The following PPHLN1 variants were observed in gnomAD, a reference collection of about 807,000 sequenced individuals.
PPHLN1 encodes periphilin-1.
PPHLN1 carries 29 observed loss-of-function variants against 51.3 expected under a neutral mutation model. That is an observed-to-expected ratio of 0.57 (90% confidence interval 0.42 to 0.77). The LOEUF (loss-of-function observed/expected upper bound fraction) is 0.77, where lower values mean the gene tolerates loss of function less well. PPHLN1 is among the 30% of genes least tolerant of loss of function. PPHLN1 has a pLI of 0.00. For synonymous variants in PPHLN1, 147 were observed against 147.8 expected, an observed-to-expected ratio of 0.99 and a Z score of 0.04; for missense variants, 436 against 438.4, an observed-to-expected ratio of 0.99 and a Z score of 0.05.
intron 2 of PPHLN1, among the ~76,000 whole-genome samples, chr12:42,337,367 A>C (rs574652906): frequency 1.3e-5 from 2 of 150,764 alleles, no homozygotes; most frequent in South Asian, 2.1e-4. Flanking sequence ...GCTGGAGTGC[A>C]GTGGTGCAGT....
chr12:42,389,204 C>G (rs1039392186), intron 7 of PPHLN1, among the ~76,000 whole-genome samples: 4 of 151,998 alleles, frequency 2.6e-5, no homozygotes, highest in African/African-American at 9.7e-5. Context: ...AACCCCGTCT[C>G]TACTAAAAAT....
rs144485658 is a variant in PPHLN1 at position 42,384,948 on chromosome 12, C to T, written c.520C>T (p.Arg174Cys). The T allele has an allele frequency of 2.6e-5, 42 of 1,609,990 alleles. No homozygotes were observed. Among genetic ancestry groups the T allele is most frequent in the African/African-American group, 6.7e-5 (5 of 74,938 alleles). ...TGCCCACCTTTCCATAGAGTCCGTG[C>T]GTCCTGGTGCCTCCTACAAACGGCA... The part of the protein sequence containing the change: ...FHQSQHRKSV[R>C]PGASYKRQNE... The change falls in exon 6 of 10, where the codon CGT (arginine) becomes TGT (cysteine). Residue 174 changes from arginine to cysteine, a missense_variant. Coordinates refer to ENST00000358314, the MANE Select transcript of PPHLN1 (RefSeq NM_201439.2).
chr12:42,329,007 C>A (rs915535939), intron 1 of PPHLN1, among the ~76,000 whole-genome samples: 1 of 152,106 alleles, frequency 6.6e-6, no homozygotes, highest in Non-Finnish European at 1.5e-5. Flanking sequence ...AGCCACCGCA[C>A]CCAGCCCCAG....
At chr12:42,431,951 G>A in intron 9 of PPHLN1, 2 of 1,493,440 alleles carry the variant, frequency 1.3e-6, no homozygotes, top group Non-Finnish European at 1.9e-6. Flanking sequence ...GTACTGTGAT[G>A]AGATTTGCTG....
At chr12:42,446,505 A>G (rs1593085214), downstream of PPHLN1, 92 of 1,501,632 alleles carry the variant, frequency 6.1e-5, 2 homozygotes, top group South Asian at 1.1e-3. Context: ...TCCTAGAAAG[A>G]CCCCCACTCC....
intron 9 of PPHLN1, among the ~76,000 whole-genome samples, chr12:42,408,851 A>C (rs1009747827): frequency 6.6e-6 from 1 of 152,210 alleles, no homozygotes; most frequent in Non-Finnish European, 1.5e-5. Flanking sequence ...AGAAAAAACT[A>C]TTCCTTTGGT....
intron 5 of PPHLN1, among the ~76,000 whole-genome samples, chr12:42,377,547 A>C (rs1592544376): frequency 6.6e-6 from 1 of 152,012 alleles, no homozygotes; most frequent in South Asian, 2.1e-4. Flanking sequence ...CAAGTGATCC[A>C]CCTGCCTCAG....
intron 4 of PPHLN1, among the ~76,000 whole-genome samples, chr12:42,371,061 C>T (rs1248892209): frequency 2.0e-5 from 3 of 151,556 alleles, no homozygotes; most frequent in African/African-American, 4.8e-5. Flanking sequence ...CCTGCCTCGG[C>T]CTCCCAAAGT....
chr12:42,349,248 G>T (rs1011134698), intron 2 of PPHLN1, among the ~76,000 whole-genome samples: 6 of 152,194 alleles, frequency 3.9e-5, no homozygotes, highest in African/African-American at 1.4e-4. Flanking sequence ...CTTAGTGTGT[G>T]CCTGAACACG....
rs1411801368 is a variant in PPHLN1 at position 42,442,141 on chromosome 12, C to T, written c.*632C>T. ...GTCTTAAATAATATCATATACAAGA[C>T]TAATAAATAGAAGATGCAGTTTGAG... On this transcript the variant is annotated 3_prime_UTR_variant, in exon 10 of 10. Coordinates refer to ENST00000358314, the MANE Select transcript of PPHLN1 (RefSeq NM_201439.2). The T allele has an allele frequency of 4.4e-6, 1 of 226,858 alleles. No individual in the cohort carries two copies. Among genetic ancestry groups the T allele is most frequent in the Non-Finnish European group, 7.3e-6 (1 of 136,414 alleles). The allele number at this position is 226,858 out of a possible 1,614,324, so 14.1% of individuals were successfully genotyped here. A position where few individuals can be genotyped will look rare whatever the true frequency, so the allele number is the denominator to read the frequency against.
intron 4 of PPHLN1, among the ~76,000 whole-genome samples, chr12:42,363,113 T>C (rs1483105919): frequency 2.0e-5 from 3 of 151,984 alleles, no homozygotes; most frequent in Admixed American, 6.6e-5. Context: ...ATGCTATGAG[T>C]GATAAAGTTT....
Position 42,374,972 on chromosome 12 carries a change from C to G in PPHLN1, c.409C>G (p.Arg137Gly). 6.2e-7 allele frequency: 1 copy of G among 1,613,742 alleles called. No homozygotes were observed. Among genetic ancestry groups the G allele is most frequent in the South Asian group, 1.1e-5 (1 of 91,064 alleles). ...TTTTTTCAGAGAATCACCTGTTGGC[C>G]GAAAGGATTCTCCACACAGCAGATC... ...NTFFRESPVG[R>G]KDSPHSRSGS... is the part of the protein sequence containing the mutation. The change falls in exon 5 of 10, where the codon CGA (arginine) becomes GGA (glycine). Residue 137 changes from arginine to glycine, a missense_variant. Physicochemically the swap from Arg to Gly is moderately radical, Grantham distance 125 (BLOSUM62 -2). Transcript: ENST00000358314.
chr12:42,407,587 T>C (rs558308887), intron 9 of PPHLN1, among the ~76,000 whole-genome samples: 1 of 152,296 alleles, frequency 6.6e-6, no homozygotes, highest in East Asian at 1.9e-4. Flanking sequence ...AGGAAGTAAA[T>C]GTAGTGATTC....
At chr12:42,327,598 A>G (rs1349271923) in intron 1 of PPHLN1, among the ~76,000 whole-genome samples, 1 of 152,156 alleles carries the variant, frequency 6.6e-6, no homozygotes, top group Non-Finnish European at 1.5e-5. Context: ...TAACTTCCAT[A>G]GAGTTAGGTA....
chr12:42,418,067 G>A (rs1224892037), intron 9 of PPHLN1, among the ~76,000 whole-genome samples: 2 of 150,274 alleles, frequency 1.3e-5, no homozygotes, highest in East Asian at 1.9e-4. Flanking sequence ...AGCCTCCTAC[G>A]TAGCTGGGAC....
intron 6 of PPHLN1, chr12:42,386,991 C>T (rs1283527508): frequency 6.6e-6 from 1 of 152,374 alleles, no homozygotes; most frequent in East Asian, 1.9e-4. Flanking sequence ...ATGTTTAAAA[C>T]TGTCTAAACA....
intron 9 of PPHLN1, chr12:42,399,283 T>C: frequency 1.1e-6 from 1 of 918,504 alleles, no homozygotes; most frequent in Non-Finnish European, 1.3e-6. Context: ...AGGGATGGGA[T>C]GGAAGAAATG....
chr12:42,420,911 G>A (rs917685030), intron 9 of PPHLN1, among the ~76,000 whole-genome samples: 1 of 151,646 alleles, frequency 6.6e-6, no homozygotes, highest in African/African-American at 2.4e-5. Flanking sequence ...TGTCTTCCCT[G>A]GTTGATTTCA....
chr12:42,394,001 A>G (rs1439064295), intron 8 of PPHLN1, among the ~76,000 whole-genome samples: 1 of 152,116 alleles, frequency 6.6e-6, no homozygotes, highest in African/African-American at 2.4e-5. Context: ...AATCATGCTA[A>G]GCCACTAGTT....
Sources: allele counts gnomAD v4.1 joint callset (sites outside exome capture counted in the v4.1 genomes callset), GRCh38; gene constraint gnomAD v4.1.1; transcripts MANE v1.5; gene names NCBI Gene and HGNC (gene_info 2026-07-23, HGNC 2026-07-21).